Variants in FOXO3 observed in about 807,000 individuals in gnomAD.
The protein encoded by FOXO3 is forkhead box O3.
FOXO3 carries 4 observed loss-of-function variants against 41.9 expected under a neutral mutation model. The ratio of observed to expected loss-of-function variants is 0.10; its 90% confidence interval spans 0.05 to 0.22. The LOEUF (loss-of-function observed/expected upper bound fraction) is 0.22, where lower values mean the gene tolerates loss of function less well. Ranked by LOEUF, FOXO3 falls within the 10% of genes least tolerant of loss-of-function variation. The pLI, the probability that FOXO3 is intolerant of heterozygous loss-of-function variation, is 1.00. For missense variants in FOXO3, 534 were observed against 906.8 expected, an observed-to-expected ratio of 0.59 and a Z score of 5.28; for synonymous variants, 318 against 389.3, an observed-to-expected ratio of 0.82 and a Z score of 2.16.
intron 1 of FOXO3, among the ~76,000 whole-genome samples, chr6:108,593,022 T>A (rs1472578582): frequency 6.6e-6 from 1 of 152,228 alleles, no homozygotes; most frequent in African/African-American, 2.4e-5. Context: ...TTTGAACATC[T>A]AGATGTTGGG....
rs185120560 is a variant in FOXO3 at position 108,630,668 on chromosome 6, T to C, written c.622-32787T>C. Among the ~76,000 whole-genome samples the C allele has an allele frequency of 1.2e-4, 18 of 152,304 alleles. 1 individual carries two copies. Among genetic ancestry groups the C allele is most frequent in the Non-Finnish European group, 2.2e-4 (15 of 68,028 alleles). ...TTGTTGAGTCATTTAGTTCTACCAG[T>C]CTACCTCCTTTCTCTAAGTTGTCTC... On this transcript the variant is annotated intron_variant, in intron 1 of 2. Transcript: ENST00000406360.
At chr6:108,677,602 C>T (rs1037336313) in intron 2 of FOXO3, among the ~76,000 whole-genome samples, 63 of 152,148 alleles carry the variant, frequency 4.1e-4, no homozygotes, top group African/African-American at 1.5e-3. Flanking sequence ...TCTCCCTCGG[C>T]GCTTACAGTA....
rs534427059 is a variant in FOXO3, at chr6:108,655,710, T to C, written c.622-7745T>C. ...TTGCCTTTGAAAGATCCTGTCATTA[T>C]ACACCGAAGGCGCCCACCCGGGCCT... On this transcript the variant is annotated intron_variant, in intron 1 of 2. Coordinates refer to ENST00000406360, the MANE Select transcript of FOXO3 (RefSeq NM_001455.4). Among the ~76,000 whole-genome samples, 106 of 152,326 alleles carry C rather than the reference T, an allele frequency of 7.0e-4. 1 individual carries two copies. Among genetic ancestry groups the C allele is most frequent in the African/African-American group, 2.5e-3 (106 of 41,580 alleles).
chr6:108,662,480 A>G (rs1386946258), intron 1 of FOXO3, among the ~76,000 whole-genome samples: 1 of 152,200 alleles, frequency 6.6e-6, no homozygotes, highest in African/African-American at 2.4e-5. Flanking sequence ...AATTCTTCTG[A>G]ATGGGAGACT....
At chr6:108,632,283 C>T (rs1777993924) in intron 1 of FOXO3, among the ~76,000 whole-genome samples, 1 of 152,138 alleles carries the variant, frequency 6.6e-6, no homozygotes, top group Admixed American at 6.6e-5. Context: ...TGAACAACAG[C>T]ATGACAGAGG....
In FOXO3 at chr6:108,560,951, C is replaced by T. The variant is rs1203594622; in HGVS notation, c.-258C>T. 4 of 1,318,274 alleles carry T rather than the reference C, an allele frequency of 3.0e-6. No homozygotes were observed. Among genetic ancestry groups the T allele is most frequent in the Middle Eastern group, 2.8e-4 (1 of 3,548 alleles). 81.7% of individuals were successfully genotyped at this position (1,318,274 alleles called of 1,614,324 possible). On this transcript the variant is annotated 5_prime_UTR_variant, in exon 1 of 3. Transcript: ENST00000406360. ...TGCGCCAGGTTCGCTGGCCGCACGT[C>T]TTCAGGTCCTCCTGTTCCTGGGAGG... is the stretch of plus-strand genomic sequence containing the variant.
intron 1 of FOXO3, among the ~76,000 whole-genome samples, chr6:108,589,419 C>G (rs147888932): frequency 2.0e-5 from 3 of 152,326 alleles, no homozygotes; most frequent in Non-Finnish European, 4.4e-5. Flanking sequence ...TGGGGACATT[C>G]AGTACTAAGA....
At chr6:108,612,633 T>C (rs1312484882) in intron 1 of FOXO3, among the ~76,000 whole-genome samples, 1 of 152,068 alleles carries the variant, frequency 6.6e-6, no homozygotes, top group Non-Finnish European at 1.5e-5. Context: ...TGAGCCAAGA[T>C]TGTGCCATTG....
chr6:108,585,424 AC>A (rs1776555799), intron 1 of FOXO3, among the ~76,000 whole-genome samples: 1 of 152,134 alleles, frequency 6.6e-6, no homozygotes, highest in Non-Finnish European at 1.5e-5. Flanking sequence ...GAGGTTTCCC[AC>A]TTGGAGTTTA....
At chr6:108,636,435 A>G (rs1444298365) in intron 1 of FOXO3, among the ~76,000 whole-genome samples, 1 of 152,186 alleles carries the variant, frequency 6.6e-6, no homozygotes, top group East Asian at 1.9e-4. Context: ...CTTACAGGTT[A>G]AACCTTCGGG....
chr6:108,611,405 A>C (rs887971688), intron 1 of FOXO3, among the ~76,000 whole-genome samples: 3 of 152,150 alleles, frequency 2.0e-5, no homozygotes, highest in African/African-American at 7.2e-5. Context: ...CTGGGTGGTA[A>C]GTGCAGTGTA....
chr6:108,580,478 G>T (rs1361038857), intron 1 of FOXO3, among the ~76,000 whole-genome samples: 1 of 152,146 alleles, frequency 6.6e-6, no homozygotes, highest in African/African-American at 2.4e-5. Flanking sequence ...GAGCCACCGT[G>T]CCCAGCCTTA....
At chr6:108,586,852 A>G (rs1776591483) in intron 1 of FOXO3, among the ~76,000 whole-genome samples, 1 of 152,012 alleles carries the variant, frequency 6.6e-6, no homozygotes, top group Non-Finnish European at 1.5e-5. Context: ...GTTCTCATGA[A>G]GCAGGGCATC....
rs553779761 is a variant in FOXO3 at position 108,624,275 on chromosome 6, T to G, written c.622-39180T>G. Among the ~76,000 whole-genome samples, 3 of 152,100 alleles carry G rather than the reference T, an allele frequency of 2.0e-5. No individual in the cohort carries two copies. In the East Asian group the frequency reaches 5.8e-4, roughly 29 times the overall value. On this transcript the variant is annotated intron_variant, in intron 1 of 2. Coordinates refer to ENST00000406360, the MANE Select transcript of FOXO3 (RefSeq NM_001455.4). ...GAATTTTAGGGTGTATCTCTTTGCTTCTTCAGATGAGACATTTCTTAAGGT... is the reference window on the plus strand; with the variant it reads ...GAATTTTAGGGTGTATCTCTTTGCTGCTTCAGATGAGACATTTCTTAAGGT...
At position 108,656,530 on chromosome 6, in the gene FOXO3, C is replaced by T. The variant is rs189842807; in HGVS notation, c.622-6925C>T. ...CTTTTGGCTTAAAGTATATGATGCT[C>T]GGAAAACAGTAAGTTAACATTTATG... On this transcript the variant is annotated intron_variant, in intron 1 of 2. Transcript: ENST00000406360. 4.4e-4 allele frequency: 431 copies of T among 984,708 alleles called. 2 individuals are homozygous for T. The highest frequency in any genetic ancestry group is 5.0e-4 in the Non-Finnish European group (411 of 829,298). The allele number at this position is 984,708 out of a possible 1,614,324, so 61.0% of individuals were successfully genotyped here. A position where few individuals can be genotyped will look rare whatever the true frequency, so the allele number is the denominator to read the frequency against.
At chr6:108,643,666 A>G (rs556821496) in intron 1 of FOXO3, among the ~76,000 whole-genome samples, 7 of 152,280 alleles carry the variant, frequency 4.6e-5, no homozygotes, top group African/African-American at 1.7e-4. Context: ...GTAAGAGGAG[A>G]GTACAGATAG....
At chr6:108,641,000 G>T (rs1462207413) in intron 1 of FOXO3, among the ~76,000 whole-genome samples, 1 of 152,068 alleles carries the variant, frequency 6.6e-6, no homozygotes, top group African/African-American at 2.4e-5. Flanking sequence ...TGCATCCTGT[G>T]TCTCCTAGGT....
intron 1 of FOXO3, among the ~76,000 whole-genome samples, chr6:108,609,257 A>C (rs1280075934): frequency 6.6e-6 from 1 of 152,194 alleles, no homozygotes; most frequent in East Asian, 1.9e-4. Context: ...TTGTCACGTC[A>C]CTTCCAAAAG....
intron 2 of FOXO3, among the ~76,000 whole-genome samples, chr6:108,667,804 A>G (rs1003358349): frequency 6.6e-6 from 1 of 152,170 alleles, no homozygotes; most frequent in African/African-American, 2.4e-5. Context: ...AAAGTCACCA[A>G]ATTTTCCTGA....
Sources: gnomAD v4.1 joint callset for allele counts (sites outside exome capture counted in the v4.1 genomes callset) on GRCh38, gnomAD v4.1.1 for gene constraint, MANE v1.5 for transcripts, NCBI Gene and HGNC (gene_info 2026-07-23, HGNC 2026-07-21) for gene names.